ARMC2: variants seen among roughly 807,000 people sequenced by gnomAD.
ARMC2 encodes the protein armadillo repeat-containing protein 2.
In ARMC2, 67 loss-of-function variants were observed where a neutral mutation model predicts 90.3. That is an observed-to-expected ratio of 0.74 (90% confidence interval 0.61 to 0.91). The LOEUF (loss-of-function observed/expected upper bound fraction) is 0.91, where lower values mean the gene tolerates loss of function less well. Ranked by LOEUF, ARMC2 falls within the 40% of genes least tolerant of loss-of-function variation. The pLI is 0.00. For synonymous variants in ARMC2, 393 were observed against 393.0 expected (o/e 1.00, Z 0.00); for missense variants, 920 against 1,030.9 (o/e 0.89, Z 1.47).
At chr6:108,905,085 A>T (rs1772543760) in intron 8 of ARMC2, among the ~76,000 whole-genome samples, 1 of 152,364 alleles carries the variant, frequency 6.6e-6, no homozygotes, top group Non-Finnish European at 1.5e-5. Context: ...CACAATTATT[A>T]TAGAATGTTC....
intron 12 of ARMC2, among the ~76,000 whole-genome samples, chr6:108,947,266 G>A (rs1476104907): frequency 6.6e-6 from 1 of 152,122 alleles, no homozygotes; most frequent in African/African-American, 2.4e-5. Context: ...CTGGGAAGAT[G>A]ATGATGATTA....
At chr6:108,876,489 G>GT in intron 5 of ARMC2, 139 bp downstream of exon 5, 1 of 790,460 alleles carries the variant, frequency 1.3e-6, no homozygotes, top group Non-Finnish European at 2.0e-6. Context: ...ATGAATAGGA[G>GT]AGACTACTTC....
At chr6:108,960,716 A>G (rs1403456812) in intron 13 of ARMC2, among the ~76,000 whole-genome samples, 3 of 152,256 alleles carry the variant, frequency 2.0e-5, no homozygotes, top group Non-Finnish European at 2.9e-5. Flanking sequence ...ACAAGGCGGC[A>G]TGTAAGCAAC....
chr6:109,009,093 G>C, the ARMC2 span: 2 of 797,790 alleles, frequency 2.5e-6, no homozygotes, highest in Non-Finnish European at 3.3e-6. Context: ...CGCGGCCGCA[G>C]TCTCTCCCAG....
chr6:108,962,187 G>A, intron 15 of ARMC2, 60 bp downstream of exon 15: 1 of 1,322,970 alleles, frequency 7.6e-7, no homozygotes, highest in Non-Finnish European at 1.1e-6. Context: ...CAGCTGAGTG[G>A]TTTTGCAGCT....
chr6:109,002,085 T>A, the ARMC2 span, among the ~76,000 whole-genome samples: 3 of 152,210 alleles, frequency 2.0e-5, no homozygotes, highest in Non-Finnish European at 4.4e-5. Context: ...AAACACATCA[T>A]GAAATACTAG....
chr6:108,960,422 A>G (rs1464333433), intron 13 of ARMC2, among the ~76,000 whole-genome samples: 1 of 152,204 alleles, frequency 6.6e-6, no homozygotes, highest in African/African-American at 2.4e-5. Flanking sequence ...GGAGGCAGGG[A>G]CAAAAACCAC....
In ARMC2 at chr6:108,973,263, C is replaced by T. The variant is rs1159161595; in HGVS notation, c.2447-94C>T. The T allele has an allele frequency of 5.5e-6, 6 of 1,085,088 alleles. No homozygotes were observed. The African/African-American group carries it at 8.0e-5, about 14-fold the overall frequency. The allele number at this position is 1,085,088 out of a possible 1,614,324, so 67.2% of individuals were successfully genotyped here. A position where few individuals can be genotyped will look rare whatever the true frequency, so the allele number is the denominator to read the frequency against. On this transcript the variant is annotated intron_variant, in intron 17 of 17. Coordinates refer to ENST00000392644, the MANE Select transcript of ARMC2 (RefSeq NM_032131.6). ...TGTTACGTTGGTATTAAAGGACGAC[C>T]CAGGGTGAGTTTAACTCATATCATC...
At chr6:109,030,108 C>T in the ARMC2 span, among the ~76,000 whole-genome samples, 3 of 152,152 alleles carry the variant, frequency 2.0e-5, no homozygotes, top group East Asian at 1.9e-4. Context: ...GTCTTAGACA[C>T]GTGTCTGCTT....
chr6:108,854,463 A>T lies in ARMC2; in HGVS notation c.196A>T (p.Asn66Tyr). 1 of 1,613,690 alleles carries T rather than the reference A, an allele frequency of 6.2e-7. No individual in the cohort carries two copies. The highest frequency in any genetic ancestry group is 8.5e-7 in the Non-Finnish European group (1 of 1,179,776). ...ACCTGCATCCTCAAGAACATCAGAA[A>T]ATAGACCTCCTTCCTCCTTCAGGTA... ...FGPASSRTSE[N>Y]RPPSSFSLHA... Residue 66 changes from asparagine (N) to tyrosine (Y), a missense_variant, in exon 2 of 18, where the codon AAT becomes TAT. Asn to Tyr is a moderately radical substitution (Grantham distance 143). Transcript: ENST00000392644.
chr6:108,896,473 G>A (rs1771624181), intron 6 of ARMC2, among the ~76,000 whole-genome samples: 2 of 152,146 alleles, frequency 1.3e-5, no homozygotes, highest in African/African-American at 4.8e-5. Flanking sequence ...GAGTAACTCA[G>A]GGATTGTGTA....
downstream of ARMC2, among the ~76,000 whole-genome samples, chr6:108,976,798 CTGTT>C (rs1198730640): frequency 5.9e-5 from 9 of 152,296 alleles, no homozygotes; most frequent in East Asian, 1.5e-3. Flanking sequence ...ATTTGGCTCT[CTGTT>C]TGTCTGCTAT....
chr6:108,890,189 C>CAAAAAAAAAAAAAAAAAAAAAAAA (rs869186045), intron 5 of ARMC2, among the ~76,000 whole-genome samples: 1 of 64,222 alleles, frequency 1.6e-5, no homozygotes, highest in Non-Finnish European at 2.6e-5. Flanking sequence ...GACTCCGTCT[C>CAAAAAAAAAAAAAAAAAAAAAAAA]AAAAAAAAAA....
intron 9 of ARMC2, among the ~76,000 whole-genome samples, chr6:108,911,713 T>A (rs1773448545): frequency 6.6e-6 from 1 of 152,184 alleles, no homozygotes; most frequent in Admixed American, 6.5e-5. Context: ...AATTGTCGAC[T>A]GAAAACAAAT....
At chr6:109,005,394 CT>C in the ARMC2 span, among the ~76,000 whole-genome samples, 2 of 152,078 alleles carry the variant, frequency 1.3e-5, no homozygotes, top group Non-Finnish European at 2.9e-5. Flanking sequence ...ATTTCTAGGC[CT>C]TTATCTTACA....
intron 10 of ARMC2, among the ~76,000 whole-genome samples, chr6:108,927,827 GTT>G (rs1775227876): frequency 6.6e-6 from 1 of 152,156 alleles, no homozygotes; most frequent in South Asian, 2.1e-4. Context: ...ATGATGGTTT[GTT>G]TAACCCTGGG....
chr6:109,019,992 G>C, the ARMC2 span, among the ~76,000 whole-genome samples: 45 of 152,282 alleles, frequency 3.0e-4, no homozygotes, highest in African/African-American at 9.9e-4. Context: ...CCAGAAAAAA[G>C]TATGTGGATC....
At chr6:108,940,941 G>A (rs1776385216) in intron 12 of ARMC2, among the ~76,000 whole-genome samples, 1 of 152,016 alleles carries the variant, frequency 6.6e-6, no homozygotes, top group East Asian at 1.9e-4. Context: ...GAGAAGACTG[G>A]CAACATAGAC....
intron 17 of ARMC2, among the ~76,000 whole-genome samples, chr6:108,969,168 C>T (rs1467861735): frequency 6.6e-6 from 1 of 152,168 alleles, no homozygotes; most frequent in Non-Finnish European, 1.5e-5. Flanking sequence ...TAGAGCGGGG[C>T]CCCACGTTCA....
Sources: gnomAD v4.1 joint callset for allele counts (sites outside exome capture counted in the v4.1 genomes callset) on GRCh38, gnomAD v4.1.1 for gene constraint, MANE v1.5 for transcripts, NCBI Gene and HGNC (gene_info 2026-07-23, HGNC 2026-07-21) for gene names.